The following WASF3 variants were observed in gnomAD, a reference collection of about 807,000 sequenced individuals.
The protein encoded by WASF3 is WASP family member 3, also known as actin-binding protein WASF3.
Under a neutral mutation model 46.6 loss-of-function variants are expected in WASF3, and 11 were observed. That is an observed-to-expected ratio of 0.24 (90% CI 0.15 to 0.39). WASF3 has a LOEUF of 0.39. WASF3 is among the 10% of genes least tolerant of loss of function. The pLI is 1.00. For missense variants in WASF3, 576 were observed against 669.8 expected (o/e 0.86, Z 1.55); for synonymous variants, 242 against 259.7 (o/e 0.93, Z 0.65).
Position 26,686,373 on chromosome 13 carries a change from T to C in WASF3, c.*528T>C, listed in dbSNP as rs1356869057. Reference sequence around the variant, plus strand: ...ACAGGGAGAATCCAGTGTTTCTGCTTTCAGTTTCTTGGCTTGGTAGCCTCT... The same window carrying C: ...ACAGGGAGAATCCAGTGTTTCTGCTCTCAGTTTCTTGGCTTGGTAGCCTCT... On this transcript the variant is annotated 3_prime_UTR_variant, in exon 10 of 10. Transcript: ENST00000335327. The C allele has an allele frequency of 6.5e-6, 1 of 152,816 alleles. No individual in the cohort carries two copies. The highest frequency in any genetic ancestry group is 1.5e-5 in the Non-Finnish European group (1 of 68,430). The allele number at this position is 152,816 out of a possible 1,614,324, so 9.5% of individuals were successfully genotyped here. A position where few individuals can be genotyped will look rare whatever the true frequency, so the allele number is the denominator to read the frequency against.
Position 26,586,685 on chromosome 13 carries a change from T to C in WASF3, c.-108-26276T>C, listed in dbSNP as rs147352068. Among the ~76,000 whole-genome samples the C allele has an allele frequency of 6.8e-3, 1,028 of 152,290 alleles. 15 individuals are homozygous for C. Among genetic ancestry groups the C allele is most frequent in the African/African-American group, 0.024 (981 of 41,554 alleles). ...GGATACTCAAGAAACACCTGCCCTT[T>C]GTGATCAATTCTAAGAGCCCCATCT... On this transcript the variant is annotated intron_variant, in intron 1 of 9. Transcript: ENST00000335327.
At chr13:26,602,658 A>G (rs532998410) in intron 1 of WASF3, among the ~76,000 whole-genome samples, 1 of 152,222 alleles carries the variant, frequency 6.6e-6, no homozygotes, top group East Asian at 1.9e-4. Flanking sequence ...AGAGAGAGAA[A>G]AAGAAAAACT....
intron 2 of WASF3, chr13:26,640,678 A>G (rs1156885540): frequency 2.0e-5 from 3 of 152,238 alleles, no homozygotes; most frequent in Non-Finnish European, 4.4e-5. Context: ...AAGTGCTGGG[A>G]TTATAGGCTT....
At chr13:26,541,944 G>A in the WASF3 span, among the ~76,000 whole-genome samples, 1 of 152,164 alleles carries the variant, frequency 6.6e-6, no homozygotes, top group Non-Finnish European at 1.5e-5. Flanking sequence ...TTCTCTGCCA[G>A]GTGTTGGTGT....
intron 1 of WASF3, among the ~76,000 whole-genome samples, chr13:26,563,882 T>C (rs1407351547): frequency 6.6e-6 from 1 of 151,980 alleles, no homozygotes; most frequent in Non-Finnish European, 1.5e-5. Flanking sequence ...CTTCTAGGCC[T>C]TGGCTCTGAG....
Position 26,688,490 on chromosome 13 carries a change from CACA to C in WASF3, c.*2646_*2648del, listed in dbSNP as rs1883479478. ...GATTGCCCAGTCCCCGATGGCTGCG[CACA>C]CAGGAGGCGGCGGAGCACAAGGCAA... On this transcript the variant is annotated 3_prime_UTR_variant, in exon 10 of 10. Transcript: ENST00000335327. 1 of 152,232 alleles carries C rather than the reference CACA, an allele frequency of 6.6e-6. No individual in the cohort carries two copies. The highest frequency in any genetic ancestry group is 6.5e-5 in the Admixed American group (1 of 15,272). The allele number at this position is 152,232 out of a possible 1,614,324, so 9.4% of individuals were successfully genotyped here.
rs928873931 is a variant in WASF3 at position 26,661,025 on chromosome 13, A to G, written c.134-4003A>G. ...ACAGCCAGCTCTCACAGGAACTACT[A>G]GAGCAAAAACTCGCTCACCCAGGGA... On this transcript the variant is annotated intron_variant, in intron 3 of 9. Transcript: ENST00000335327. Among the ~76,000 whole-genome samples the G allele has an allele frequency of 2.0e-5, 3 of 152,204 alleles. No homozygotes were observed. The East Asian group carries it at 5.8e-4, about 29-fold the overall frequency.
At chr13:26,667,379 A>G (rs745507115) in intron 4 of WASF3, 138 bp from the exon 5 acceptor site, 1 of 736,356 alleles carries the variant, frequency 1.4e-6, no homozygotes, top group Non-Finnish European at 2.1e-6. Flanking sequence ...GCTCTTAAAC[A>G]TGGTTTTTAA....
intron 1 of WASF3, among the ~76,000 whole-genome samples, chr13:26,578,714 G>T (rs75650943): frequency 5.5e-4 from 83 of 151,994 alleles, no homozygotes; most frequent in African/African-American, 1.9e-3. Flanking sequence ...TCTCTGTTTG[G>T]CACTCTAACC....
chr13:26,580,045 T>C (rs1879931458), intron 1 of WASF3, among the ~76,000 whole-genome samples: 1 of 152,192 alleles, frequency 6.6e-6, no homozygotes, highest in African/African-American at 2.4e-5. Context: ...ATTAGCTGTC[T>C]TTAGTGTTAG....
At chr13:26,626,941 G>C (rs1358104650) in intron 2 of WASF3, among the ~76,000 whole-genome samples, 1 of 152,172 alleles carries the variant, frequency 6.6e-6, no homozygotes, top group East Asian at 1.9e-4. Context: ...ACTCCTCTCT[G>C]AGGACAGTAG....
intron 1 of WASF3, among the ~76,000 whole-genome samples, chr13:26,562,093 G>A (rs1392702336): frequency 2.0e-5 from 3 of 152,172 alleles, no homozygotes; most frequent in South Asian, 2.1e-4. Flanking sequence ...CCAAGGGTGC[G>A]GTGAACAGAG....
At chr13:26,642,811 G>A (rs1420491289) in intron 3 of WASF3, among the ~76,000 whole-genome samples, 6 of 152,078 alleles carry the variant, frequency 3.9e-5, no homozygotes, top group Admixed American at 2.0e-4. Flanking sequence ...TAATATGCCT[G>A]GCACATAGTA....
intron 4 of WASF3, among the ~76,000 whole-genome samples, chr13:26,666,903 TAAATG>T (rs1593179446): frequency 7.2e-6 from 1 of 139,296 alleles, no homozygotes; most frequent in East Asian, 2.1e-4. Context: ...GGTGAGTTAA[TAAATG>T]AAATGTAAAG....
At chr13:26,559,041 T>C (rs1879196479) in intron 1 of WASF3, among the ~76,000 whole-genome samples, 1 of 152,242 alleles carries the variant, frequency 6.6e-6, no homozygotes, top group Non-Finnish European at 1.5e-5. Context: ...TCTCCTTTTC[T>C]AGCAGTTAAA....
rs1170812921 is a variant in WASF3, at chr13:26,682,920, G to A, written c.1297G>A (p.Ala433Thr). Reference sequence around the variant, plus strand: ...AGCTGAGGCGAAGCGGCAAGAGCCTGCACAGCCACCAATCAGTGATGCTCG... The same window carrying A: ...AGCTGAGGCGAAGCGGCAAGAGCCTACACAGCCACCAATCAGTGATGCTCG... ...PVAEAKRQEPAQPPISDARSD... is the reference protein window; with the variant it reads ...PVAEAKRQEPTQPPISDARSD... Residue 433 changes from alanine to threonine, a missense_variant, in exon 9 of 10, where the codon GCA becomes ACA. Ala to Thr is a moderately conservative substitution (Grantham distance 58). This residue lies in a region of WASF3 where 295 missense variants were observed against 291.5 expected (regional missense o/e 1.01). Coordinates refer to ENST00000335327, the MANE Select transcript of WASF3 (RefSeq NM_006646.6). The surrounding 1 kb of genome is among the most constrained non-coding windows in gnomAD (Gnocchi z 4.4). 3.1e-6 allele frequency: 5 copies of A among 1,610,316 alleles called. No individual in the cohort carries two copies. The South Asian group carries it at 3.3e-5, about 11-fold the overall frequency.
At chr13:26,610,037 T>G (rs143594165) in intron 1 of WASF3, among the ~76,000 whole-genome samples, 2,566 of 152,300 alleles carry the variant, frequency 0.017, 37 homozygotes, top group African/African-American at 0.045. Flanking sequence ...GGCTGGAGGC[T>G]GCCCTCTGGG....
intron 1 of WASF3, among the ~76,000 whole-genome samples, chr13:26,601,149 A>G (rs893791732): frequency 4.6e-5 from 7 of 152,186 alleles, no homozygotes. Flanking sequence ...TTTTAAGCAG[A>G]TTGATAAAAA....
chr13:26,681,568 TTGAA>T (rs1883232832), intron 8 of WASF3, among the ~76,000 whole-genome samples: 1 of 152,186 alleles, frequency 6.6e-6, no homozygotes, highest in Non-Finnish European at 1.5e-5. Flanking sequence ...CTCTGGGTGT[TTGAA>T]TGGCTCTTTA....
Sources: gnomAD v4.1 joint callset for allele counts (sites outside exome capture counted in the v4.1 genomes callset) on GRCh38, gnomAD v4.1.1 for gene constraint, gnomAD v4.1.1 regional missense constraint, Gnocchi (gnomAD v3.1) non-coding constraint, MANE v1.5 for transcripts, NCBI Gene and HGNC (gene_info 2026-07-23, HGNC 2026-07-21) for gene names.